MYZAP: variants seen among roughly 807,000 people sequenced by gnomAD.
The protein encoded by MYZAP is myocardial zonula adherens protein.
A neutral mutation model predicts 69.4 loss-of-function variants in MYZAP; 66 were observed. That is an observed-to-expected ratio of 0.95 (90% CI 0.78 to 1.17). The LOEUF (loss-of-function observed/expected upper bound fraction) is 1.17. Among genes scored for constraint, MYZAP ranks in the 50% most tolerant of loss-of-function variants. The pLI is 0.00. For synonymous variants in MYZAP, 256 were observed against 205.9 expected, an observed-to-expected ratio of 1.24 and a Z score of -2.09; for missense variants, 611 against 556.2, an observed-to-expected ratio of 1.10 and a Z score of -0.99.
intron 10 of MYZAP, among the ~76,000 whole-genome samples, chr15:57,653,758 A>G (rs1433341999): frequency 6.6e-6 from 1 of 152,022 alleles, no homozygotes; most frequent in African/African-American, 2.4e-5. Flanking sequence ...TAATCCCAGC[A>G]CTTCGGGAGG....
At chr15:57,640,068 G>T (rs976813048) in intron 10 of MYZAP, among the ~76,000 whole-genome samples, 1 of 151,098 alleles carries the variant, frequency 6.6e-6, no homozygotes, top group Admixed American at 6.6e-5. Flanking sequence ...CTTTTCCTTT[G>T]CCACCATCCT....
chr15:57,650,934 G>A (rs1344624212), intron 10 of MYZAP, among the ~76,000 whole-genome samples: 1 of 152,218 alleles, frequency 6.6e-6, no homozygotes, highest in Non-Finnish European at 1.5e-5. Context: ...TAGAAATATA[G>A]GTTGACACCA....
chr15:57,679,340 TTGTG>T (rs34683334), intron 12 of MYZAP, among the ~76,000 whole-genome samples: 4 of 125,606 alleles, frequency 3.2e-5, no homozygotes, highest in African/African-American at 1.2e-4. Flanking sequence ...TTTCACCTCT[TTGTG>T]TGTGTGTGTG....
intron 6 of MYZAP, among the ~76,000 whole-genome samples, chr15:57,631,754 T>C (rs2036519553): frequency 6.6e-6 from 1 of 152,226 alleles, no homozygotes; most frequent in Non-Finnish European, 1.5e-5. Flanking sequence ...GTTTGAAGAA[T>C]GCTTCCCTTT....
chr15:57,641,937 G>T (rs970634401), intron 10 of MYZAP, among the ~76,000 whole-genome samples: 3 of 152,216 alleles, frequency 2.0e-5, no homozygotes, highest in Non-Finnish European at 4.4e-5. Flanking sequence ...CCCAAGGAGA[G>T]ATGGGAGCTG....
At chr15:57,633,406 G>A (rs1476671946) in intron 7 of MYZAP, among the ~76,000 whole-genome samples, 1 of 152,124 alleles carries the variant, frequency 6.6e-6, no homozygotes, top group African/African-American at 2.4e-5. Flanking sequence ...ATGTAGTGAG[G>A]CCCATTAACC....
At chr15:57,610,633 T>C (rs2035045404) in intron 2 of MYZAP, among the ~76,000 whole-genome samples, 1 of 152,194 alleles carries the variant, frequency 6.6e-6, no homozygotes, top group Non-Finnish European at 1.5e-5. Flanking sequence ...AATGTTAGTC[T>C]AGAGCCAGTG....
intron 8 of MYZAP, among the ~76,000 whole-genome samples, chr15:57,637,434 C>G (rs1465561469): frequency 1.3e-5 from 2 of 152,142 alleles, no homozygotes; most frequent in African/African-American, 4.8e-5. Context: ...TTTCACTGAT[C>G]CTGGGCTGAT....
chr15:57,601,355 G>C (rs1244637688), intron 1 of MYZAP, among the ~76,000 whole-genome samples: 4 of 151,668 alleles, frequency 2.6e-5, no homozygotes, highest in Non-Finnish European at 5.9e-5. Context: ...GCATGGACTA[G>C]ACCCAGCCTA....
At chr15:57,592,822 G>A (rs2033769156) in intron 1 of MYZAP, among the ~76,000 whole-genome samples, 1 of 152,142 alleles carries the variant, frequency 6.6e-6, no homozygotes, top group Non-Finnish European at 1.5e-5. Context: ...TTCTAACACG[G>A]TCAGCACCTT....
At chr15:57,661,323 G>C (rs2038291790) in intron 10 of MYZAP, 127 bp from the exon 11 acceptor site, 1 of 763,170 alleles carries the variant, frequency 1.3e-6, no homozygotes, top group African/African-American at 1.8e-5. Flanking sequence ...AGCCCCACTG[G>C]AAATGAGGAA....
chr15:57,593,188 G>GCATGCGCGCGCGCGCACGCACACACACA, intron 1 of MYZAP, among the ~76,000 whole-genome samples: 7 of 114,152 alleles, frequency 6.1e-5, no homozygotes, highest in African/African-American at 2.4e-4. Context: ...GTACACAGGC[G>GCATGCGCGCGCGCGCACGCACACACACA]CACACACACA....
intron 10 of MYZAP, among the ~76,000 whole-genome samples, chr15:57,644,878 G>A (rs1319028463): frequency 6.6e-6 from 1 of 152,196 alleles, no homozygotes; most frequent in South Asian, 2.1e-4. Flanking sequence ...GAAGAGGTAC[G>A]CTTGTTAAAT....
At chr15:57,674,353 G>A (rs2039014950) in intron 11 of MYZAP, among the ~76,000 whole-genome samples, 1 of 152,154 alleles carries the variant, frequency 6.6e-6, no homozygotes, top group Non-Finnish European at 1.5e-5. Context: ...AAACTTTTCA[G>A]AATGTGAATT....
chr15:57,659,024 A>T (rs1416312687), intron 10 of MYZAP, among the ~76,000 whole-genome samples: 1 of 152,204 alleles, frequency 6.6e-6, no homozygotes, highest in East Asian at 1.9e-4. Context: ...TTTCCAAGTA[A>T]GGAGTTGATG....
intron 2 of MYZAP, among the ~76,000 whole-genome samples, chr15:57,611,480 C>A (rs73422852): frequency 3.9e-5 from 6 of 152,020 alleles, no homozygotes; most frequent in African/African-American, 1.5e-4. Context: ...GTTATTAGGC[C>A]TAAGCAACTA....
intron 10 of MYZAP, among the ~76,000 whole-genome samples, chr15:57,644,697 C>T (rs1022927404): frequency 6.6e-6 from 1 of 152,142 alleles, no homozygotes; most frequent in Non-Finnish European, 1.5e-5. Context: ...AACTCCTGGC[C>T]TCTAGCAATC....
At chr15:57,667,910 C>G (rs1481104812) in intron 11 of MYZAP, among the ~76,000 whole-genome samples, 1 of 152,102 alleles carries the variant, frequency 6.6e-6, no homozygotes, top group African/African-American at 2.4e-5. Context: ...AGTTTGCAAC[C>G]CAGCTTTCCA....
intron 10 of MYZAP, among the ~76,000 whole-genome samples, chr15:57,641,525 T>C (rs2037157237): frequency 6.6e-6 from 1 of 152,210 alleles, no homozygotes; most frequent in African/African-American, 2.4e-5. Flanking sequence ...TAAGCTTTGA[T>C]GTGGTCTGTG....
Sources: gnomAD v4.1 joint callset for allele counts (sites outside exome capture counted in the v4.1 genomes callset) on GRCh38, gnomAD v4.1.1 for gene constraint, MANE v1.5 for transcripts, NCBI Gene and HGNC (gene_info 2026-07-23, HGNC 2026-07-21) for gene names.